ANGPT2: variants seen among roughly 807,000 people sequenced by gnomAD.
ANGPT2 encodes the protein angiopoietin-2.
A neutral mutation model predicts 62.9 loss-of-function variants in ANGPT2; 28 were observed. The observed-to-expected ratio is 0.44, with a 90% CI of 0.33 to 0.61. The LOEUF (loss-of-function observed/expected upper bound fraction) is 0.61. Among genes scored for constraint, ANGPT2 ranks in the 20% least tolerant of loss-of-function variants. The pLI, the probability that ANGPT2 is intolerant of heterozygous loss-of-function variation, is 0.03. For missense variants in ANGPT2, 727 were observed against 594.9 expected (o/e 1.22, Z -2.31); for synonymous variants, 284 against 207.8 (o/e 1.37, Z -3.15).
intron 1 of ANGPT2, among the ~76,000 whole-genome samples, chr8:6,548,283 T>C (rs147296023): frequency 6.6e-6 from 1 of 152,294 alleles, no homozygotes; most frequent in African/African-American, 2.4e-5. Context: ...GTGGTGTGTG[T>C]AGACCTGACA....
chr8:6,526,439 A>T (rs1818356444), intron 3 of ANGPT2, among the ~76,000 whole-genome samples: 1 of 152,118 alleles, frequency 6.6e-6, no homozygotes, highest in Non-Finnish European at 1.5e-5. Context: ...TGTCTCAAAA[A>T]AAAAACACAG....
At chr8:6,518,905 G>A (rs974084300) in intron 5 of ANGPT2, among the ~76,000 whole-genome samples, 7 of 152,020 alleles carry the variant, frequency 4.6e-5, no homozygotes, top group African/African-American at 1.2e-4. Flanking sequence ...AATATTCTCC[G>A]GAAGGGTTTT....
intron 5 of ANGPT2, 86 bp downstream of exon 5, chr8:6,519,778 G>A (rs1816957883): frequency 1.0e-5 from 15 of 1,502,878 alleles, no homozygotes; most frequent in Non-Finnish European, 1.4e-5. Flanking sequence ...AGATCTTTGG[G>A]GAGAGACTTC....
At position 6,500,243 on chromosome 8, in the gene ANGPT2, G is replaced by T; in HGVS notation, c.*2858C>A. ...CAGGTAGTCTTATATCTTGCTTAAT[G>T]TTTTTACTGTTAATAGAAATAGAAC... is the stretch of plus-strand genomic sequence containing the variant. On this transcript the variant is annotated 3_prime_UTR_variant, in exon 9 of 9. Transcript: ENST00000629816. 1 of 358,304 alleles carries T rather than the reference G, an allele frequency of 2.8e-6. No homozygotes were observed. Among genetic ancestry groups the T allele is most frequent in the Non-Finnish European group, 5.3e-6 (1 of 188,912 alleles). The allele number at this position is 358,304 out of a possible 1,614,324, so 22.2% of individuals were successfully genotyped here.
At chr8:6,552,379 A>G (rs1306225748) in intron 1 of ANGPT2, among the ~76,000 whole-genome samples, 1 of 152,234 alleles carries the variant, frequency 6.6e-6, no homozygotes, top group South Asian at 2.1e-4. Flanking sequence ...CACTCATGCA[A>G]TATGCAGAAT....
intron 1 of ANGPT2, among the ~76,000 whole-genome samples, chr8:6,555,267 G>T (rs1824391238): frequency 6.6e-6 from 1 of 152,092 alleles, no homozygotes; most frequent in African/African-American, 2.4e-5. Context: ...CTCTAATAGT[G>T]GGAAGAGAAG....
intron 6 of ANGPT2, 38 bp from the exon 7 acceptor site, chr8:6,513,882 AT>A (rs750975456): frequency 9.0e-6 from 14 of 1,562,206 alleles, no homozygotes; most frequent in East Asian, 2.3e-5. Context: ...ATTTCATGTA[AT>A]TTTTTCTTTG....
At chr8:6,561,780 T>G (rs1825580998) in intron 1 of ANGPT2, among the ~76,000 whole-genome samples, 1 of 152,172 alleles carries the variant, frequency 6.6e-6, no homozygotes, top group Admixed American at 6.5e-5. Context: ...TGTTTACATG[T>G]GAAAAAAAAT....
chr8:6,525,344 C>T (rs1461218661), intron 3 of ANGPT2, among the ~76,000 whole-genome samples: 1 of 152,176 alleles, frequency 6.6e-6, no homozygotes, highest in Non-Finnish European at 1.5e-5. Flanking sequence ...ATCCACCTGC[C>T]TCAGCCATCC....
chr8:6,507,375 A>G (rs565603060), intron 8 of ANGPT2, among the ~76,000 whole-genome samples: 108 of 152,132 alleles, frequency 7.1e-4, no homozygotes, highest in African/African-American at 2.5e-3. Flanking sequence ...AACCCTGCCA[A>G]TTTTCCTGTT....
chr8:6,558,020 C>G (rs528847739), intron 1 of ANGPT2, among the ~76,000 whole-genome samples: 83 of 152,304 alleles, frequency 5.4e-4, no homozygotes, highest in Admixed American at 2.4e-3. Context: ...TCTGTCTCTC[C>G]TGCCCCTGCC....
rs558522741 is a variant in ANGPT2 at position 6,539,009 on chromosome 8, C to G, written c.289-6522G>C. ...AAGTGGCAAAACTGGGCTCTCCTCC[C>G]CCTCCTTTTAGAGTTGGGCTTGTGT... On this transcript the variant is annotated intron_variant, in intron 1 of 8. Coordinates refer to ENST00000629816, the MANE Select transcript of ANGPT2 (RefSeq NM_001118887.2). Among the ~76,000 whole-genome samples the G allele has an allele frequency of 1.7e-4, 25 of 146,258 alleles. No individual in the cohort carries two copies. The South Asian group carries it at 5.7e-3, about 34-fold the overall frequency.
rs3739392 is a variant in ANGPT2, at chr8:6,563,053, A to T, written c.-119T>A. On this transcript the variant is annotated 5_prime_UTR_variant, in exon 1 of 9. In the 5' UTR this introduces an upstream ATG that the reference lacks. Coordinates refer to ENST00000629816, the MANE Select transcript of ANGPT2 (RefSeq NM_001118887.2). ...TACGCTGCCATGGCTGGGTCCGTCA[A>T]TGAAAGTCTTCTCTTTCCTCTTTTT... 4.5e-6 allele frequency: 5 copies of T among 1,122,562 alleles called. No homozygotes were observed. The East Asian group carries it at 1.3e-4, about 29-fold the overall frequency. The allele number at this position is 1,122,562 out of a possible 1,614,324, so 69.5% of individuals were successfully genotyped here.
At chr8:6,515,286 C>G (rs2129567971) in intron 5 of ANGPT2, among the ~76,000 whole-genome samples, 1 of 152,226 alleles carries the variant, frequency 6.6e-6, no homozygotes, top group Non-Finnish European at 1.5e-5. Context: ...CTGTTACATT[C>G]TCGTACTGTG....
intron 1 of ANGPT2, among the ~76,000 whole-genome samples, chr8:6,562,217 A>G (rs908938590): frequency 2.0e-5 from 3 of 152,168 alleles, no homozygotes; most frequent in East Asian, 1.9e-4. Flanking sequence ...CATGGTTGTC[A>G]CGGTCTCTCT....
intron 1 of ANGPT2, among the ~76,000 whole-genome samples, chr8:6,541,896 TAC>T (rs1821644560): frequency 6.6e-6 from 1 of 151,486 alleles, no homozygotes; most frequent in Non-Finnish European, 1.5e-5. Context: ...TGGTCCTAGC[TAC>T]TCAGGAGGCT....
chr8:6,538,048 C>T (rs1343708371), intron 1 of ANGPT2, among the ~76,000 whole-genome samples: 2 of 152,158 alleles, frequency 1.3e-5, no homozygotes, highest in Non-Finnish European at 2.9e-5. Context: ...AAACTTTTTA[C>T]TGTTGCCCAT....
chr8:6,521,947 G>A (rs556031775), intron 3 of ANGPT2, among the ~76,000 whole-genome samples: 65 of 152,318 alleles, frequency 4.3e-4, no homozygotes, highest in Non-Finnish European at 8.2e-4. Context: ...TGGCTTACCA[G>A]CCCTGCGACT....
chr8:6,518,804 C>T (rs1294429773), intron 5 of ANGPT2, among the ~76,000 whole-genome samples: 1 of 152,144 alleles, frequency 6.6e-6, no homozygotes, highest in East Asian at 1.9e-4. Context: ...TTAATATATA[C>T]AGTTATCCAG....
Sources: allele counts gnomAD v4.1 joint callset (sites outside exome capture counted in the v4.1 genomes callset), GRCh38; gene constraint gnomAD v4.1.1; transcripts MANE v1.5; gene names NCBI Gene and HGNC (gene_info 2026-07-23, HGNC 2026-07-21).